The following SLC35F4 variants were observed in gnomAD, a reference collection of about 807,000 sequenced individuals.
SLC35F4 encodes solute carrier family 35 member F4.
A neutral mutation model predicts 44.2 loss-of-function variants in SLC35F4; 24 were observed. The observed-to-expected ratio is 0.54, with a 90% CI of 0.39 to 0.76. The LOEUF is 0.76. Among genes scored for constraint, SLC35F4 ranks in the 30% least tolerant of loss-of-function variants. SLC35F4 has a pLI of 0.00. For synonymous variants in SLC35F4, 238 were observed against 223.6 expected, an observed-to-expected ratio of 1.06 and a Z score of -0.57; for missense variants, 562 against 586.1, an observed-to-expected ratio of 0.96 and a Z score of 0.42.
At chr14:57,799,054 G>A (rs544045737) in intron 1 of SLC35F4, among the ~76,000 whole-genome samples, 8 of 152,310 alleles carry the variant, frequency 5.3e-5, no homozygotes, top group African/African-American at 1.9e-4. Flanking sequence ...GGTCCTCAGC[G>A]CTCACAGGAA....
chr14:57,792,109 T>C (rs970686068), intron 1 of SLC35F4, among the ~76,000 whole-genome samples: 2 of 151,394 alleles, frequency 1.3e-5, no homozygotes, highest in African/African-American at 4.9e-5. Context: ...ACTTAAAGTA[T>C]AATTTAAAAA....
At chr14:57,684,803 C>T (rs1300949541) in intron 1 of SLC35F4, among the ~76,000 whole-genome samples, 1 of 152,216 alleles carries the variant, frequency 6.6e-6, no homozygotes, top group Non-Finnish European at 1.5e-5. Flanking sequence ...CAGGCATCCC[C>T]TCATCTCACT....
chr14:57,940,605 T>C (rs1452944014), intron 1 of SLC35F4, among the ~76,000 whole-genome samples: 2 of 152,162 alleles, frequency 1.3e-5, no homozygotes, highest in African/African-American at 4.8e-5. Flanking sequence ...AGTGGAGTAG[T>C]CACTTTTTGA....
At chr14:57,951,321 C>A (rs1461407445) in intron 1 of SLC35F4, among the ~76,000 whole-genome samples, 3 of 152,206 alleles carry the variant, frequency 2.0e-5, no homozygotes, top group African/African-American at 7.2e-5. Flanking sequence ...GGTGCCTACA[C>A]CACCAGGGCC....
At chr14:57,965,911 G>T (rs989627879) in intron 1 of SLC35F4, among the ~76,000 whole-genome samples, 1 of 152,184 alleles carries the variant, frequency 6.6e-6, no homozygotes, top group African/African-American at 2.4e-5. Context: ...CCCTCTTCAT[G>T]GTATCTTTCT....
chr14:57,829,325 G>C (rs78807352), intron 1 of SLC35F4, among the ~76,000 whole-genome samples: 2,125 of 152,268 alleles, frequency 0.014, 49 homozygotes, highest in African/African-American at 0.049. Flanking sequence ...TCTGGGTCGT[G>C]GGGGAAGGGA....
intron 1 of SLC35F4, among the ~76,000 whole-genome samples, chr14:57,841,650 G>A (rs1224662556): frequency 6.6e-6 from 1 of 152,148 alleles, no homozygotes; most frequent in East Asian, 1.9e-4. Context: ...GTAGAGAACT[G>A]GTGCCAGGGA....
chr14:57,828,695 A>T (rs1315230167), intron 1 of SLC35F4, among the ~76,000 whole-genome samples: 1 of 152,198 alleles, frequency 6.6e-6, no homozygotes, highest in Non-Finnish European at 1.5e-5. Flanking sequence ...CTCAGTGGCC[A>T]GCTCATTCCA....
chr14:57,654,665 C>T (rs2073903383), intron 1 of SLC35F4, among the ~76,000 whole-genome samples: 1 of 152,200 alleles, frequency 6.6e-6, no homozygotes, highest in South Asian at 2.1e-4. Flanking sequence ...AAGGAACCTT[C>T]ATACTGTTTT....
chr14:57,802,738 A>T (rs1017811091), intron 1 of SLC35F4, among the ~76,000 whole-genome samples: 4 of 152,158 alleles, frequency 2.6e-5, no homozygotes, highest in African/African-American at 9.7e-5. Context: ...ATTCCTGGAC[A>T]CAGACACCCT....
intron 1 of SLC35F4, among the ~76,000 whole-genome samples, chr14:57,691,809 T>G (rs1446948916): frequency 1.3e-5 from 2 of 151,458 alleles, no homozygotes; most frequent in Non-Finnish European, 2.9e-5. Context: ...TTATATAACA[T>G]GATAGCAAAT....
chr14:57,778,754 A>G (rs1377040920), intron 1 of SLC35F4, among the ~76,000 whole-genome samples: 5 of 151,934 alleles, frequency 3.3e-5, no homozygotes, highest in Non-Finnish European at 7.4e-5. Context: ...AAAAAAAAAC[A>G]AAATTATACC....
At chr14:57,649,862 G>A (rs1453767294) in intron 1 of SLC35F4, among the ~76,000 whole-genome samples, 1 of 152,182 alleles carries the variant, frequency 6.6e-6, no homozygotes, top group Non-Finnish European at 1.5e-5. Flanking sequence ...TATTTCAAAA[G>A]TTTTTCTGGG....
chr14:57,691,759 T>C (rs1012558801), intron 1 of SLC35F4, among the ~76,000 whole-genome samples: 2 of 152,178 alleles, frequency 1.3e-5, no homozygotes, highest in Non-Finnish European at 2.9e-5. Context: ...AGAAGGCCCT[T>C]CTCTTAAAAA....
chr14:57,844,882 A>G (rs1885861853), intron 1 of SLC35F4, among the ~76,000 whole-genome samples: 1 of 152,092 alleles, frequency 6.6e-6, no homozygotes. Flanking sequence ...TGTTACTAGT[A>G]GAGGGGTCTC....
chr14:57,831,838 C>T (rs1884401557), intron 1 of SLC35F4, among the ~76,000 whole-genome samples: 2 of 152,114 alleles, frequency 1.3e-5, no homozygotes, highest in East Asian at 3.9e-4. Context: ...AAGTGAAAAA[C>T]CCTACTGTGA....
intron 1 of SLC35F4, among the ~76,000 whole-genome samples, chr14:57,642,483 T>C (rs2140165544): frequency 6.6e-6 from 1 of 152,142 alleles, no homozygotes. Context: ...AATTTACTTT[T>C]ATTTTTGTGA....
At chr14:57,779,434 A>G (rs1285316558) in intron 1 of SLC35F4, among the ~76,000 whole-genome samples, 1 of 152,208 alleles carries the variant, frequency 6.6e-6, no homozygotes, top group Non-Finnish European at 1.5e-5. Flanking sequence ...CTGAACCAGG[A>G]AGAAATTGAA....
At chr14:57,741,354 C>A (rs1185024517) in intron 1 of SLC35F4, among the ~76,000 whole-genome samples, 1 of 152,052 alleles carries the variant, frequency 6.6e-6, no homozygotes, top group African/African-American at 2.4e-5. Context: ...AAAGATTAGA[C>A]AAATGACTAA....
Sources: allele counts gnomAD v4.1 joint callset (sites outside exome capture counted in the v4.1 genomes callset), GRCh38; gene constraint gnomAD v4.1.1; transcripts MANE v1.5; gene names NCBI Gene and HGNC (gene_info 2026-07-23, HGNC 2026-07-21).